Variants in PCDHA12 observed in about 807,000 individuals in gnomAD.
PCDHA12 encodes the protein protocadherin alpha-12.
PCDHA12 carries 44 observed loss-of-function variants against 60.0 expected under a neutral mutation model. The observed-to-expected ratio is 0.73, with a 90% CI of 0.58 to 0.94. The LOEUF is 0.94. PCDHA12 is among the 40% of genes least tolerant of loss of function. The pLI, the probability that PCDHA12 is intolerant of heterozygous loss-of-function variation, is 0.00. For synonymous variants in PCDHA12, 569 were observed against 553.0 expected, an observed-to-expected ratio of 1.03 and a Z score of -0.40; for missense variants, 1,276 against 1,239.7, an observed-to-expected ratio of 1.03 and a Z score of -0.44.
intron 1 of PCDHA12, among the ~76,000 whole-genome samples, chr5:140,944,779 T>C (rs1022054674): frequency 6.6e-6 from 1 of 152,228 alleles, no homozygotes; most frequent in African/African-American, 2.4e-5. Flanking sequence ...CCTCCTGTTA[T>C]TGTATTTTAC....
chr5:140,876,476 T>G lies in PCDHA12; in HGVS notation c.1004T>G (p.Met335Arg). Reference protein sequence around the residue: ...KGIPSMAGHSMVLVEVLDVND... With the variant: ...KGIPSMAGHSRVLVEVLDVND... ...ATTCCTTCCATGGCAGGTCACAGCATGGTCCTGGTGGAAGTTCTGGACGTG... is the reference window on the plus strand; with the variant it reads ...ATTCCTTCCATGGCAGGTCACAGCAGGGTCCTGGTGGAAGTTCTGGACGTG... Residue 335 changes from methionine to arginine, a missense_variant, in exon 1 of 4, where the codon ATG becomes AGG. Transcript: ENST00000398631. 1 of 1,614,036 alleles carries G rather than the reference T, an allele frequency of 6.2e-7. No individual in the cohort carries two copies. The highest frequency in any genetic ancestry group is 8.5e-7 in the Non-Finnish European group (1 of 1,179,906).
intron 1 of PCDHA12, among the ~76,000 whole-genome samples, chr5:140,952,174 A>T (rs1376987356): frequency 6.6e-6 from 1 of 152,096 alleles, no homozygotes; most frequent in Non-Finnish European, 1.5e-5. Flanking sequence ...CAGTTCCTGC[A>T]GCTGCTCTCA....
At chr5:140,949,263 C>G (rs1210516513) in intron 1 of PCDHA12, among the ~76,000 whole-genome samples, 1 of 151,714 alleles carries the variant, frequency 6.6e-6, no homozygotes, top group Non-Finnish European at 1.5e-5. Context: ...GAACATATCA[C>G]GTGCACTTGA....
At chr5:140,967,301 G>T in intron 1 of PCDHA12, 2 of 1,612,148 alleles carry the variant, frequency 1.2e-6, no homozygotes, top group Middle Eastern at 1.7e-4. Flanking sequence ...CGACGTGGGC[G>T]CCAACTCAGT....
chr5:140,942,808 C>T (rs1175421349), intron 1 of PCDHA12, among the ~76,000 whole-genome samples: 1 of 151,920 alleles, frequency 6.6e-6, no homozygotes, highest in East Asian at 1.9e-4. Context: ...TTTCCACAAA[C>T]TAGTTGGATT....
chr5:140,927,574 G>T, intron 1 of PCDHA12: 1 of 1,614,168 alleles, frequency 6.2e-7, no homozygotes, highest in Non-Finnish European at 8.5e-7. Flanking sequence ...GGACACAAAT[G>T]ACAACGCGCC....
intron 1 of PCDHA12, among the ~76,000 whole-genome samples, chr5:140,940,750 G>A (rs1274521070): frequency 2.6e-5 from 4 of 152,136 alleles, no homozygotes; most frequent in Non-Finnish European, 5.9e-5. Context: ...TTTTATGTGT[G>A]CCAACTTTTA....
chr5:140,877,015 G>T lies in PCDHA12; in HGVS notation c.1543G>T (p.Gly515Cys), dbSNP rs371309003. The T allele has an allele frequency of 1.6e-5, 26 of 1,612,358 alleles. No individual in the cohort carries two copies. Among genetic ancestry groups the T allele is most frequent in the African/African-American group, 4.0e-5 (3 of 74,900 alleles). Residue 515 changes from glycine (G) to cysteine (C), a missense_variant, in exon 1 of 4, where the codon GGC becomes TGC. Transcript: ENST00000398631. ...SSYVSVHAES[G>C]KVYALQPLDH... is the part of the protein sequence containing the mutation. The stretch of plus-strand genomic sequence containing the variant: ...CTACGTGTCGGTGCACGCGGAGAGC[G>T]GCAAGGTGTACGCGCTGCAGCCGCT...
chr5:140,888,324 T>C (rs1191192546), intron 1 of PCDHA12, among the ~76,000 whole-genome samples: 1 of 152,152 alleles, frequency 6.6e-6, no homozygotes, highest in East Asian at 1.9e-4. Flanking sequence ...CCTGGATACA[T>C]TTTTGGTTAT....
At chr5:140,910,072 T>A (rs546252378) in intron 1 of PCDHA12, among the ~76,000 whole-genome samples, 359 of 152,300 alleles carry the variant, frequency 2.4e-3, no homozygotes, top group African/African-American at 8.0e-3. Flanking sequence ...ACAGCGTAAA[T>A]TGTTGTCAAG....
chr5:140,943,751 TAGG>T (rs1284418706), intron 1 of PCDHA12, among the ~76,000 whole-genome samples: 1 of 152,048 alleles, frequency 6.6e-6, no homozygotes, highest in Non-Finnish European at 1.5e-5. Flanking sequence ...CTAAAAGCAG[TAGG>T]AGATGTAGGA....
intron 1 of PCDHA12, among the ~76,000 whole-genome samples, chr5:140,891,891 A>G (rs1278331991): frequency 5.9e-5 from 9 of 152,214 alleles, no homozygotes; most frequent in Admixed American, 5.9e-4. Flanking sequence ...GTGACGATGC[A>G]GCAAGAAGAT....
At chr5:140,963,159 C>T (rs971538193) in intron 1 of PCDHA12, among the ~76,000 whole-genome samples, 14 of 151,752 alleles carry the variant, frequency 9.2e-5, no homozygotes, top group Non-Finnish European at 1.9e-4. Flanking sequence ...AAAAATGACA[C>T]ATGCCATCTT....
intron 1 of PCDHA12, among the ~76,000 whole-genome samples, chr5:140,973,856 C>G (rs1349378315): frequency 6.6e-6 from 1 of 152,166 alleles, no homozygotes; most frequent in Non-Finnish European, 1.5e-5. Context: ...CCAATTTTTG[C>G]TCTCAATGAG....
intron 1 of PCDHA12, among the ~76,000 whole-genome samples, chr5:140,974,580 T>C (rs2153804250): frequency 6.6e-6 from 1 of 152,286 alleles, no homozygotes; most frequent in South Asian, 2.1e-4. Context: ...GGCATGATCT[T>C]GGCTCACTGC....
At chr5:140,938,881 A>T (rs2092243650) in intron 1 of PCDHA12, among the ~76,000 whole-genome samples, 1 of 152,088 alleles carries the variant, frequency 6.6e-6, no homozygotes, top group South Asian at 2.1e-4. Context: ...GAAGCAACAC[A>T]CACACACACA....
chr5:140,936,270 T>C (rs1367001317), intron 1 of PCDHA12, among the ~76,000 whole-genome samples: 1 of 152,226 alleles, frequency 6.6e-6, no homozygotes, highest in African/African-American at 2.4e-5. Flanking sequence ...GAAGATATAT[T>C]CCTGTGTTTT....
intron 1 of PCDHA12, among the ~76,000 whole-genome samples, chr5:140,975,626 G>A (rs1234889198): frequency 6.6e-6 from 1 of 152,156 alleles, no homozygotes; most frequent in African/African-American, 2.4e-5. Flanking sequence ...GATTTCCATG[G>A]TACGAAGATA....
intron 3 of PCDHA12, among the ~76,000 whole-genome samples, chr5:140,998,571 T>G (rs2097822082): frequency 1.0e-5 from 1 of 96,286 alleles, no homozygotes; most frequent in African/African-American, 3.7e-5. Flanking sequence ...GTAAATAAGT[T>G]TTTTTTTTTT....
Sources: gnomAD v4.1 joint callset for allele counts (sites outside exome capture counted in the v4.1 genomes callset) on GRCh38, gnomAD v4.1.1 for gene constraint, MANE v1.5 for transcripts, NCBI Gene and HGNC (gene_info 2026-07-23, HGNC 2026-07-21) for gene names.